Variants in CAMTA1 observed in about 807,000 individuals in gnomAD.
CAMTA1 encodes calmodulin binding transcription activator 1, also known as calmodulin-binding transcription activator 1.
A neutral mutation model predicts 170.9 loss-of-function variants in CAMTA1; 27 were observed. That is an observed-to-expected ratio of 0.16 (90% CI 0.12 to 0.22). The LOEUF is 0.22. CAMTA1 is among the 10% of genes least tolerant of loss of function. CAMTA1 has a pLI of 1.00. For missense variants in CAMTA1, 1,619 were observed against 2,217.2 expected (o/e 0.73, Z 5.42); for synonymous variants, 833 against 891.5 (o/e 0.93, Z 1.17).
intron 5 of CAMTA1, among the ~76,000 whole-genome samples, chr1:7,330,954 G>A (rs2082993583): frequency 6.6e-6 from 1 of 152,110 alleles, no homozygotes; most frequent in Non-Finnish European, 1.5e-5. Context: ...TGGTTCATGG[G>A]GTTAGAGTCG....
intron 5 of CAMTA1, among the ~76,000 whole-genome samples, chr1:7,257,457 C>T (rs889243006): frequency 3.2e-4 from 48 of 152,320 alleles, no homozygotes; most frequent in African/African-American, 6.7e-4. Context: ...TACATTCACA[C>T]GAGAGCTTTC....
intron 3 of CAMTA1, among the ~76,000 whole-genome samples, chr1:6,959,379 G>C (rs1689998573): frequency 6.6e-6 from 1 of 152,180 alleles, no homozygotes. Context: ...CGGCGGCCTT[G>C]GGCACCACTG....
intron 4 of CAMTA1, among the ~76,000 whole-genome samples, chr1:7,170,268 T>A (rs1486930134): frequency 6.6e-6 from 1 of 152,144 alleles, no homozygotes; most frequent in Non-Finnish European, 1.5e-5. Context: ...TTATGATTTC[T>A]GTTTTGAATT....
At chr1:7,069,090 C>T (rs1297014734) in intron 3 of CAMTA1, among the ~76,000 whole-genome samples, 3 of 152,158 alleles carry the variant, frequency 2.0e-5, no homozygotes, top group Admixed American at 1.3e-4. Flanking sequence ...GCTGGGCCCC[C>T]GGTATCCTAG....
At chr1:6,954,836 G>T (rs1190585804) in intron 3 of CAMTA1, among the ~76,000 whole-genome samples, 1 of 152,030 alleles carries the variant, frequency 6.6e-6, no homozygotes. Flanking sequence ...CTTGGACGCC[G>T]CCTTCCCTCT....
At chr1:7,473,465 A>G (rs1343927318) in intron 6 of CAMTA1, among the ~76,000 whole-genome samples, 1 of 152,150 alleles carries the variant, frequency 6.6e-6, no homozygotes, top group African/African-American at 2.4e-5. Context: ...CAGCCTCTGG[A>G]GTTCCATACT....
chr1:7,124,295 G>A (rs958391762), intron 4 of CAMTA1, among the ~76,000 whole-genome samples: 1 of 152,088 alleles, frequency 6.6e-6, no homozygotes, highest in African/African-American at 2.4e-5. Flanking sequence ...CGTTCCCACC[G>A]TAGGTGCTAC....
At chr1:7,627,961 C>A (rs549053287) in intron 6 of CAMTA1, among the ~76,000 whole-genome samples, 5 of 151,962 alleles carry the variant, frequency 3.3e-5, no homozygotes, top group Non-Finnish European at 7.4e-5. Flanking sequence ...AAAGAGTGAC[C>A]GGCTTAGCCG....
chr1:7,153,205 A>G (rs1438540190), intron 4 of CAMTA1, among the ~76,000 whole-genome samples: 1 of 152,162 alleles, frequency 6.6e-6, no homozygotes, highest in Admixed American at 6.5e-5. Context: ...TAGACCTTTA[A>G]TGGAAAGATT....
intron 5 of CAMTA1, among the ~76,000 whole-genome samples, chr1:7,406,557 T>A (rs2090302771): frequency 6.6e-6 from 1 of 152,052 alleles, no homozygotes; most frequent in Non-Finnish European, 1.5e-5. Flanking sequence ...TCCATGCAGG[T>A]GTACACACAC....
chr1:7,016,050 T>A (rs56906051), intron 3 of CAMTA1, among the ~76,000 whole-genome samples: 11,823 of 152,238 alleles, frequency 0.078, 1,284 homozygotes, highest in African/African-American at 0.24. Flanking sequence ...GGATTACAGT[T>A]TGACATGAGA....
At chr1:7,176,126 C>A (rs968035204) in intron 4 of CAMTA1, among the ~76,000 whole-genome samples, 1 of 152,198 alleles carries the variant, frequency 6.6e-6, no homozygotes, top group Non-Finnish European at 1.5e-5. Flanking sequence ...GGGATAGATA[C>A]CTCTTGATTC....
chr1:7,391,666 T>G (rs2088733228), intron 5 of CAMTA1, among the ~76,000 whole-genome samples: 2 of 152,166 alleles, frequency 1.3e-5, no homozygotes, highest in South Asian at 4.1e-4. Context: ...TCAGATAAGC[T>G]GCTCGGCGTA....
chr1:7,189,173 C>T (rs534222660), intron 4 of CAMTA1, among the ~76,000 whole-genome samples: 1 of 152,166 alleles, frequency 6.6e-6, no homozygotes, highest in African/African-American at 2.4e-5. Context: ...ACATAAAATA[C>T]TTTCTGTGTG....
intron 1 of CAMTA1, among the ~76,000 whole-genome samples, chr1:6,790,180 AT>A (rs1056063220): frequency 2.7e-5 from 4 of 149,620 alleles, no homozygotes; most frequent in East Asian, 2.0e-4. Flanking sequence ...CTTGCAAGGA[AT>A]TTTTTTTTTC....
intron 6 of CAMTA1, among the ~76,000 whole-genome samples, chr1:7,495,329 G>C (rs766918083): frequency 6.6e-6 from 1 of 152,088 alleles, no homozygotes; most frequent in African/African-American, 2.4e-5. Context: ...TTTGATTCCC[G>C]CAGCTGTGTT....
chr1:7,591,591 A>G (rs1019387899), intron 6 of CAMTA1, among the ~76,000 whole-genome samples: 24 of 152,222 alleles, frequency 1.6e-4, no homozygotes, highest in Non-Finnish European at 2.1e-4. Context: ...TGTGATAACA[A>G]GAGGGAAACC....
chr1:6,910,590 A>G (rs1224101891), intron 3 of CAMTA1, among the ~76,000 whole-genome samples: 1 of 152,212 alleles, frequency 6.6e-6, no homozygotes, highest in Non-Finnish European at 1.5e-5. Context: ...GAGCTGTTGG[A>G]AAGCGGGTCT....
At chr1:7,276,674 C>T (rs1670779412) in intron 5 of CAMTA1, among the ~76,000 whole-genome samples, 1 of 151,976 alleles carries the variant, frequency 6.6e-6, no homozygotes, top group Non-Finnish European at 1.5e-5. Context: ...TCAATGTGTC[C>T]ACTTTCACTG....
Sources: allele counts gnomAD v4.1 joint callset (sites outside exome capture counted in the v4.1 genomes callset), GRCh38; gene constraint gnomAD v4.1.1; transcripts MANE v1.5; gene names NCBI Gene and HGNC (gene_info 2026-07-23, HGNC 2026-07-21).